CHAF1A: variants seen among roughly 807,000 people sequenced by gnomAD.
The protein encoded by CHAF1A is chromatin assembly factor 1 subunit A.
In CHAF1A, 5 loss-of-function variants were observed where a neutral mutation model predicts 93.2. The observed-to-expected ratio is 0.05, with a 90% confidence interval of 0.03 to 0.11. CHAF1A has a LOEUF of 0.11. Ranked by LOEUF, CHAF1A falls within the 10% of genes least tolerant of loss-of-function variation. CHAF1A has a pLI of 1.00. For missense variants in CHAF1A, 1,102 were observed against 1,259.9 expected, an observed-to-expected ratio of 0.87 and a Z score of 1.90; for synonymous variants, 504 against 510.3, an observed-to-expected ratio of 0.99 and a Z score of 0.17.
chr19:4,440,182 A>G (rs185186062), intron 13 of CHAF1A, among the ~76,000 whole-genome samples: 44 of 152,292 alleles, frequency 2.9e-4, no homozygotes, highest in Admixed American at 1.4e-3. Context: ...CTACTGAAAT[A>G]AGTGTGGCTG....
chr19:4,405,063 G>A (rs1488139392), intron 1 of CHAF1A, among the ~76,000 whole-genome samples: 2 of 152,090 alleles, frequency 1.3e-5, no homozygotes. Context: ...GAATGAAATA[G>A]GTAATCTGAT....
intron 2 of CHAF1A, among the ~76,000 whole-genome samples, chr19:4,407,931 A>G (rs967903601): frequency 5.3e-5 from 8 of 151,992 alleles, no homozygotes; most frequent in Non-Finnish European, 1.0e-4. Flanking sequence ...ATGGGTGACG[A>G]GCAAGACTGT....
intron 7 of CHAF1A, among the ~76,000 whole-genome samples, chr19:4,425,711 A>G (rs1974069212): frequency 6.6e-6 from 1 of 152,182 alleles, no homozygotes; most frequent in African/African-American, 2.4e-5. Flanking sequence ...CTCTGCACAC[A>G]TGCATTCCTC....
rs1371644969 is a variant in CHAF1A at position 4,409,644 on chromosome 19, T to G, written c.845T>G (p.Leu282Arg). 3 of 1,614,042 alleles carry G rather than the reference T, an allele frequency of 1.9e-6. No homozygotes were observed. In the African/African-American group the frequency reaches 4.0e-5, roughly 22 times the overall value. Residue 282 changes from leucine (L) to arginine (R), a missense_variant, in exon 3 of 15, where the codon CTC (leucine) becomes CGC (arginine). Physicochemically the swap from Leu to Arg is moderately radical, Grantham distance 102 (BLOSUM62 -2). This residue lies in a region of CHAF1A where 379 missense variants were observed against 365.7 expected (regional missense o/e 1.04). Coordinates refer to ENST00000301280, the MANE Select transcript of CHAF1A (RefSeq NM_005483.3). ...LESFPEEDSV[L>R]SHSSLSSPSS... ...TCTTTCCCCGAAGAAGACTCTGTAC[T>G]CAGCCATTCGTCCCTGAGCTCTCCC... is the stretch of plus-strand genomic sequence containing the variant.
chr19:4,407,802 G>C (rs1568428849), intron 2 of CHAF1A, among the ~76,000 whole-genome samples: 1 of 152,024 alleles, frequency 6.6e-6, no homozygotes, highest in African/African-American at 2.4e-5. Context: ...ACAAAAATTA[G>C]CTGGGTGTAG....
chr19:4,405,849 G>T, intron 1 of CHAF1A, 63 bp from the exon 2 acceptor site: 1 of 1,455,398 alleles, frequency 6.9e-7, no homozygotes, highest in Non-Finnish European at 9.7e-7. Flanking sequence ...CTCTACATAT[G>T]TATTTGCTAA....
chr19:4,414,816 A>T (rs1430787060), intron 3 of CHAF1A, among the ~76,000 whole-genome samples: 1 of 152,144 alleles, frequency 6.6e-6, no homozygotes, highest in South Asian at 2.1e-4. Flanking sequence ...GCTCAAGGCA[A>T]TGCGTGCGTT....
At position 4,443,073 on chromosome 19, in the gene CHAF1A, G is replaced by A; in HGVS notation, c.*48G>A. Reference sequence around the variant, plus strand: ...ATGCTTAGGGTGTCCTCCCCACAGAGCAGATACTTGAACCGACTCAATTCC... The same window carrying A: ...ATGCTTAGGGTGTCCTCCCCACAGAACAGATACTTGAACCGACTCAATTCC... On this transcript the variant is annotated 3_prime_UTR_variant, in exon 15 of 15. Coordinates refer to ENST00000301280, the MANE Select transcript of CHAF1A (RefSeq NM_005483.3). 1 of 1,227,908 alleles carries A rather than the reference G, an allele frequency of 8.1e-7. No homozygotes were observed. Among genetic ancestry groups the A allele is most frequent in the South Asian group, 1.3e-5 (1 of 77,876 alleles). The allele number at this position is 1,227,908 out of a possible 1,614,324, so 76.1% of individuals were successfully genotyped here.
At chr19:4,434,481 T>G (rs1023143720) in intron 13 of CHAF1A, among the ~76,000 whole-genome samples, 1 of 152,174 alleles carries the variant, frequency 6.6e-6, no homozygotes, top group African/African-American at 2.4e-5. Flanking sequence ...ACAAAGAGGC[T>G]TCTCCCCACT....
intron 13 of CHAF1A, among the ~76,000 whole-genome samples, chr19:4,435,167 T>C (rs1426072268): frequency 7.4e-6 from 1 of 135,568 alleles, no homozygotes; most frequent in Non-Finnish European, 1.5e-5. Context: ...CTGGGCTCAC[T>C]GCAAGCTCCG....
chr19:4,446,264 G>A (rs770668194), downstream of CHAF1A: 29 of 1,567,776 alleles, frequency 1.8e-5, 1 homozygote, highest in South Asian at 9.2e-5. Context: ...CGCCCTCCAC[G>A]GGCATCGTTG....
intron 8 of CHAF1A, chr19:4,429,124 T>C: frequency 1.7e-6 from 1 of 592,326 alleles, no homozygotes; most frequent in Admixed American, 3.0e-5. Flanking sequence ...CTTATTTCCC[T>C]GCTGGTCTCC....
intron 3 of CHAF1A, among the ~76,000 whole-genome samples, chr19:4,416,857 T>G (rs1476367744): frequency 5.9e-5 from 9 of 152,054 alleles, no homozygotes. Context: ...TGGCACTCGC[T>G]GCACTCCAGC....
At chr19:4,431,823 CTG>C (rs1398011120) in intron 11 of CHAF1A, 127 bp from the exon 12 acceptor site, 35 of 1,175,878 alleles carry the variant, frequency 3.0e-5, no homozygotes, top group African/African-American at 4.6e-5. Context: ...GGCCCTGACA[CTG>C]TGGGAAGTTT....
chr19:4,404,082 A>G (rs1031203699), intron 1 of CHAF1A, among the ~76,000 whole-genome samples: 1 of 152,076 alleles, frequency 6.6e-6, no homozygotes, highest in African/African-American at 2.4e-5. Context: ...TGGCCTCCCA[A>G]AATGCTGGGA....
chr19:4,448,174 T>C (rs1198035204), downstream of CHAF1A: 1 of 713,812 alleles, frequency 1.4e-6, no homozygotes, highest in Non-Finnish European at 2.4e-6. Context: ...GGCCTCTGGG[T>C]GGAGCTGCCT....
downstream of CHAF1A, chr19:4,446,994 G>A: frequency 8.1e-6 from 12 of 1,482,608 alleles, no homozygotes; most frequent in Non-Finnish European, 1.1e-5. Context: ...CCCAGTCCAG[G>A]GGCCCGGCTC....
At chr19:4,407,918 A>G (rs773159801) in intron 2 of CHAF1A, among the ~76,000 whole-genome samples, 1 of 152,094 alleles carries the variant, frequency 6.6e-6, no homozygotes, top group Admixed American at 6.5e-5. Flanking sequence ...ATTGCACTCC[A>G]ACATGGGTGA....
chr19:4,430,899 G>T, intron 11 of CHAF1A: 1 of 485,894 alleles, frequency 2.1e-6, no homozygotes. Flanking sequence ...GCGTGGCCAT[G>T]GTCTGTGGGT....
Sources: gnomAD v4.1 joint callset for allele counts (sites outside exome capture counted in the v4.1 genomes callset) on GRCh38, gnomAD v4.1.1 for gene constraint, gnomAD v4.1.1 regional missense constraint, MANE v1.5 for transcripts, NCBI Gene and HGNC (gene_info 2026-07-23, HGNC 2026-07-21) for gene names.